Variants in DMBT1 observed in about 807,000 individuals in gnomAD.
DMBT1 encodes the protein deleted in malignant brain tumors 1, also known as scavenger receptor cysteine-rich domain-containing protein DMBT1.
A neutral mutation model predicts 252.9 loss-of-function variants in DMBT1; 198 were observed. The ratio of observed to expected loss-of-function variants is 0.78; its 90% CI spans 0.70 to 0.88. DMBT1 has a LOEUF of 0.88. DMBT1 is among the 40% of genes least tolerant of loss of function. DMBT1 has a pLI of 0.00. For synonymous variants in DMBT1, 990 were observed against 942.7 expected (o/e 1.05, Z -0.92); for missense variants, 2,432 against 2,404.7 (o/e 1.01, Z -0.24).
Position 122,573,739 on chromosome 10 carries a change from C to A in DMBT1, c.260C>A (p.Thr87Asn). 1 of 1,613,916 alleles carries A rather than the reference C, an allele frequency of 6.2e-7. No individual in the cohort carries two copies. Among genetic ancestry groups the A allele is most frequent in the Non-Finnish European group, 8.5e-7 (1 of 1,179,846 alleles). The change falls in exon 6 of 56, where the codon ACC (threonine) becomes AAC (asparagine). Residue 87 changes from threonine (T) to asparagine (N), a missense_variant. By Grantham distance (65) the Thr-to-Asn change is moderately conservative. This residue lies in a region of DMBT1 where 1,264 missense variants were observed against 1,082.2 expected (regional missense o/e 1.17). Coordinates refer to ENST00000338354, the MANE Select transcript of DMBT1 (RefSeq NM_001377530.1). The stretch of plus-strand genomic sequence containing the variant: ...GGTTCTCTGATTCCCTCAGAGTCAA[C>A]CCTGGAGTCAACTGTAGCAGAAGGT... ...AEGSLIPSES[T>N]LESTVAEGSD...
intron 43 of DMBT1, 85 bp downstream of exon 43, chr10:122,620,376 A>G (rs2098052898): frequency 6.7e-7 from 1 of 1,501,234 alleles, no homozygotes; most frequent in Non-Finnish European, 9.2e-7. Context: ...ATGAGGCTCA[A>G]GCTGGCGCCT....
rs1391356338 is a variant in DMBT1, at chr10:122,643,206, G to A, written c.7437G>A (p.Leu2479=). 1.2e-6 allele frequency: 2 copies of A among 1,613,960 alleles called. No homozygotes were observed. Among genetic ancestry groups the A allele is most frequent in the Non-Finnish European group, 1.7e-6 (2 of 1,179,878 alleles). The part of the protein sequence containing the change: ...ARFRFRAFHF[L]NRFPSVYLRC... Reference sequence around the variant, plus strand: ...TCCGGTTCAGGGCCTTCCACTTCCTGAACCGCTTCCCCTCCGTGTACCTGC... The same window carrying A: ...TCCGGTTCAGGGCCTTCCACTTCCTAAACCGCTTCCCCTCCGTGTACCTGC... Residue 2479 remains leucine (L), a synonymous_variant, in exon 56 of 56, where the codon CTG becomes CTA. Coordinates refer to ENST00000338354, the MANE Select transcript of DMBT1 (RefSeq NM_001377530.1).
chr10:122,575,551 A>G (rs1233911227), intron 6 of DMBT1, among the ~76,000 whole-genome samples: 1 of 152,030 alleles, frequency 6.6e-6, no homozygotes, highest in Non-Finnish European at 1.5e-5. Flanking sequence ...TTTGTTTTTC[A>G]TCTTCTACAA....
chr10:122,637,462 T>C, intron 54 of DMBT1, 150 bp downstream of exon 54: 1 of 889,640 alleles, frequency 1.1e-6, no homozygotes, highest in Non-Finnish European at 1.7e-6. Context: ...AAACCTTTGG[T>C]GCTATGATAT....
At chr10:122,597,847 G>T (rs1016198522) in intron 24 of DMBT1, 127 bp from the exon 25 acceptor site, 52 of 1,407,332 alleles carry the variant, frequency 3.7e-5, no homozygotes, top group Middle Eastern at 3.5e-4. Context: ...GCAGACACAT[G>T]GGGAGCAAGT....
Position 122,560,850 on chromosome 10 carries a change from A to C in DMBT1, c.61+19A>C. On this transcript the variant is annotated intron_variant, in intron 1 of 55. Coordinates refer to ENST00000338354, the MANE Select transcript of DMBT1 (RefSeq NM_001377530.1). Reference sequence around the variant, plus strand: ...TCTACAGGTATTACGTTTAATTATTATATTCATTAATTTCTCTCCTGCAGA... The same window carrying C: ...TCTACAGGTATTACGTTTAATTATTCTATTCATTAATTTCTCTCCTGCAGA... 1 of 1,534,230 alleles carries C rather than the reference A, an allele frequency of 6.5e-7. No individual in the cohort carries two copies. Among genetic ancestry groups the C allele is most frequent in the Non-Finnish European group, 8.8e-7 (1 of 1,130,356 alleles).
intron 6 of DMBT1, among the ~76,000 whole-genome samples, chr10:122,575,262 C>T (rs1452512182): frequency 2.0e-5 from 3 of 152,328 alleles, no homozygotes; most frequent in East Asian, 3.9e-4. Context: ...GTTATTTTTG[C>T]ATCCCTCTTC....
In DMBT1 at chr10:122,576,809, T is replaced by A. The variant is rs1020678969; in HGVS notation, c.607+87T>A. The A allele has an allele frequency of 7.1e-6, 11 of 1,545,614 alleles. No homozygotes were observed. In the South Asian group the frequency reaches 1.2e-4, roughly 17 times the overall value. ...TGGGAGGATGAGGTAGGCAGATTGC[T>A]TGAGCTCAGGCGTTCAAGACCAGCT... On this transcript the variant is annotated intron_variant, in intron 7 of 55. Transcript: ENST00000338354.
At chr10:122,617,304 A>T (rs2097997825) in intron 40 of DMBT1, 44 bp downstream of exon 40, 1 of 1,593,094 alleles carries the variant, frequency 6.3e-7, no homozygotes, top group African/African-American at 1.4e-5. Flanking sequence ...CTATCTCTGG[A>T]CATATTTTGT....
chr10:122,600,148 C>T lies in DMBT1; in HGVS notation c.3310+55C>T. On this transcript the variant is annotated intron_variant, in intron 27 of 55. Transcript: ENST00000338354. ...TCCCTTCTCTTTCTGCCCAATCACC[C>T]CTTCCACACTCCACAGAGCTCTCCT... 2.5e-6 allele frequency: 4 copies of T among 1,582,290 alleles called. 1 individual carries two copies. The Admixed American group carries it at 5.2e-5, about 21-fold the overall frequency.
At chr10:122,638,463 G>A (rs2133696340) in intron 54 of DMBT1, among the ~76,000 whole-genome samples, 1 of 152,190 alleles carries the variant, frequency 6.6e-6, no homozygotes, top group South Asian at 2.1e-4. Context: ...TTAATGACAG[G>A]TTCTCATTCT....
rs550474121 is a variant in DMBT1 at position 122,585,163 on chromosome 10, T to C, written c.1421-108T>C. On this transcript the variant is annotated intron_variant, in intron 14 of 55. Coordinates refer to ENST00000338354, the MANE Select transcript of DMBT1 (RefSeq NM_001377530.1). ...CACATGGGGAGCAAAGTGGCAGGAATCAGAAGTGGGGTAGTTTTCATGATG... is the reference window on the plus strand; with the variant it reads ...CACATGGGGAGCAAAGTGGCAGGAACCAGAAGTGGGGTAGTTTTCATGATG... 4.9e-5 allele frequency: 68 copies of C among 1,394,598 alleles called. 3 individuals carry two copies. The highest frequency in any genetic ancestry group is 2.6e-4 in the Admixed American group (15 of 58,432). The allele number at this position is 1,394,598 out of a possible 1,614,324, so 86.4% of individuals were successfully genotyped here. A position where few individuals can be genotyped will look rare whatever the true frequency, so the allele number is the denominator to read the frequency against.
intron 2 of DMBT1, among the ~76,000 whole-genome samples, 188 bp downstream of exon 2, chr10:122,566,184 C>T (rs554390080): frequency 6.6e-6 from 1 of 152,338 alleles, no homozygotes; most frequent in East Asian, 1.9e-4. Context: ...GCACACTCGG[C>T]CAATCCCAGC....
chr10:122,632,019 C>T (rs73361523), intron 50 of DMBT1, 144 bp downstream of exon 50: 41,298 of 942,760 alleles, frequency 0.044, 1,231 homozygotes, highest in East Asian at 0.13. Flanking sequence ...CCTCCCCTGC[C>T]GGCCACCAGG....
chr10:122,617,679 CA>C (rs898348243), intron 40 of DMBT1, among the ~76,000 whole-genome samples: 1 of 151,608 alleles, frequency 6.6e-6, no homozygotes, highest in African/African-American at 2.4e-5. Context: ...TGGATGCCAC[CA>C]AACTCTTAAA....
intron 1 of DMBT1, among the ~76,000 whole-genome samples, chr10:122,561,586 T>TCTC (rs2097546841): frequency 3.8e-5 from 1 of 26,088 alleles, no homozygotes; most frequent in Non-Finnish European, 1.1e-4. Flanking sequence ...CTCTCTCTCT[T>TCTC]TCTCTCTTAT....
intron 45 of DMBT1, among the ~76,000 whole-genome samples, chr10:122,625,624 G>A (rs2098113361): frequency 6.6e-6 from 1 of 152,210 alleles, no homozygotes; most frequent in Non-Finnish European, 1.5e-5. Context: ...TGGAAAATTA[G>A]GACCTTCATT....
intron 27 of DMBT1, 39 bp from the exon 28 acceptor site, chr10:122,600,952 C>T (rs1332120547): frequency 2.8e-6 from 2 of 705,170 alleles, no homozygotes; most frequent in African/African-American, 1.8e-5. Flanking sequence ...CTTTTCCCTT[C>T]AAGTCTAATT....
chr10:122,563,709 CA>C (rs1413655276), intron 1 of DMBT1, among the ~76,000 whole-genome samples: 1 of 152,178 alleles, frequency 6.6e-6, no homozygotes, highest in Non-Finnish European at 1.5e-5. Context: ...TGGAAGACTA[CA>C]GATTGGTCTC....
Sources: gnomAD v4.1 joint callset for allele counts (sites outside exome capture counted in the v4.1 genomes callset) on GRCh38, gnomAD v4.1.1 for gene constraint, gnomAD v4.1.1 regional missense constraint, MANE v1.5 for transcripts, NCBI Gene and HGNC (gene_info 2026-07-23, HGNC 2026-07-21) for gene names.